Variants in ZNF236 observed in about 807,000 individuals in gnomAD.
ZNF236 encodes the protein zinc finger protein 236.
In ZNF236, 50 loss-of-function variants were observed where a neutral mutation model predicts 191.2. The observed-to-expected ratio is 0.26, with a 90% confidence interval of 0.21 to 0.33. The LOEUF (loss-of-function observed/expected upper bound fraction) is 0.33. Among genes scored for constraint, ZNF236 ranks in the 10% least tolerant of loss-of-function variants. The probability of loss-of-function intolerance (pLI) is 1.00; values close to 1 mark genes in which losing one functional copy is unlikely to be tolerated. For missense variants in ZNF236, 1,754 were observed against 2,374.5 expected, an observed-to-expected ratio of 0.74 and a Z score of 5.43; for synonymous variants, 907 against 928.8, an observed-to-expected ratio of 0.98 and a Z score of 0.43.
At chr18:76,856,854 T>C (rs75904003) in intron 3 of ZNF236, among the ~76,000 whole-genome samples, 2,674 of 152,362 alleles carry the variant, frequency 0.018, 30 homozygotes, top group Middle Eastern at 0.02. Flanking sequence ...TTATGGATTC[T>C]GGTTCTTATG....
At chr18:76,846,635 T>C (rs906431517) in intron 1 of ZNF236, among the ~76,000 whole-genome samples, 2 of 152,212 alleles carry the variant, frequency 1.3e-5, no homozygotes, top group Non-Finnish European at 2.9e-5. Context: ...TGTTTTAAGT[T>C]TGTGTCTGAA....
intron 1 of ZNF236, among the ~76,000 whole-genome samples, chr18:76,825,343 A>C (rs1974985470): frequency 1.3e-5 from 2 of 152,160 alleles, no homozygotes; most frequent in South Asian, 2.1e-4. Context: ...CTGTAAGGTA[A>C]ATATCATAGA....
In ZNF236 at chr18:76,880,577, A is replaced by C. The variant is rs927497348; in HGVS notation, c.1188+261A>C. Reference sequence around the variant, plus strand: ...CATAAGTGAACTTTACTTGAAAAGAACAGGCTTTTCCGAAGTTGTATCTAT... The same window carrying C: ...CATAAGTGAACTTTACTTGAAAAGACCAGGCTTTTCCGAAGTTGTATCTAT... On this transcript the variant is annotated intron_variant, in intron 8 of 30. Coordinates refer to ENST00000320610, the MANE Select transcript of ZNF236 (RefSeq NM_001306089.2). This position sits in a 1 kb window ranked among gnomAD's most constrained non-coding sequence, Gnocchi z 5.0. Among the ~76,000 whole-genome samples the C allele has an allele frequency of 1.3e-5, 2 of 152,218 alleles. No individual in the cohort carries two copies. The highest frequency in any genetic ancestry group is 4.8e-5 in the African/African-American group (2 of 41,462).
rs1033470666 is a variant in ZNF236 at position 76,919,477 on chromosome 18, C to G, written c.3275-299C>G. ...ATATACATTGTTGTTAACTAGTCAC[C>G]CTACTCTGCTATCAAACATTAGAGC... On this transcript the variant is annotated intron_variant, in intron 19 of 30. Transcript: ENST00000320610. The surrounding 1 kb of genome is among the most constrained non-coding windows in gnomAD (Gnocchi z 5.3). Among the ~76,000 whole-genome samples, 1 of 152,072 alleles carries G rather than the reference C, an allele frequency of 6.6e-6. No individual in the cohort carries two copies. Among genetic ancestry groups the G allele is most frequent in the African/African-American group, 2.4e-5 (1 of 41,392 alleles).
At chr18:76,847,626 C>A (rs535803341) in intron 1 of ZNF236, among the ~76,000 whole-genome samples, 3 of 152,186 alleles carry the variant, frequency 2.0e-5, no homozygotes, top group Admixed American at 6.5e-5. Context: ...CCACCACGCC[C>A]GGCTGATTTT....
intron 3 of ZNF236, among the ~76,000 whole-genome samples, chr18:76,854,138 A>G (rs1975970875): frequency 6.6e-6 from 1 of 152,216 alleles, no homozygotes; most frequent in South Asian, 2.1e-4. Flanking sequence ...ATTCCTCAGC[A>G]TATACCAAAA....
At chr18:76,966,356 C>CACAG (rs1555701863) in intron 30 of ZNF236, among the ~76,000 whole-genome samples, 2 of 151,960 alleles carry the variant, frequency 1.3e-5, no homozygotes, top group East Asian at 1.9e-4. Context: ...CACACACACA[C>CACAG]AGAGACACAC....
intron 1 of ZNF236, among the ~76,000 whole-genome samples, chr18:76,836,691 C>A (rs896025412): frequency 6.6e-6 from 1 of 151,938 alleles, no homozygotes; most frequent in Non-Finnish European, 1.5e-5. Context: ...CATTCTCCTG[C>A]CTCAGCCTCC....
chr18:76,864,390 G>A (rs1976339940), intron 3 of ZNF236, among the ~76,000 whole-genome samples: 1 of 151,872 alleles, frequency 6.6e-6, no homozygotes, highest in South Asian at 2.1e-4. Context: ...AGTAGAGATG[G>A]CGTTTCACCT....
rs2122954753 is a variant in ZNF236, at chr18:76,957,637, G to A, written c.5112+1455G>A. ...TTTCATCACCCTGGTACTAAGCTAAGTAGCCAATAATTTTTCCTGCTCCTC... is the reference window on the plus strand; with the variant it reads ...TTTCATCACCCTGGTACTAAGCTAAATAGCCAATAATTTTTCCTGCTCCTC... On this transcript the variant is annotated intron_variant, in intron 28 of 30. Coordinates refer to ENST00000320610, the MANE Select transcript of ZNF236 (RefSeq NM_001306089.2). 1.3e-5 allele frequency among the ~76,000 whole-genome samples: 2 copies of A among 152,296 alleles called. 1 individual carries two copies. The highest frequency in any genetic ancestry group is 6.8e-3 in the Middle Eastern group (2 of 294).
chr18:76,951,667 GGA>G, intron 27 of ZNF236, among the ~76,000 whole-genome samples: 1 of 152,170 alleles, frequency 6.6e-6, no homozygotes, highest in Non-Finnish European at 1.5e-5. Context: ...TGGGCTCACT[GGA>G]TAACACTTTT....
intron 13 of ZNF236, among the ~76,000 whole-genome samples, 169 bp from the exon 14 acceptor site, chr18:76,908,151 C>T (rs1435830942): frequency 6.6e-6 from 1 of 152,340 alleles, no homozygotes; most frequent in East Asian, 1.9e-4. Context: ...GAGCTCTCTT[C>T]AGAGTTACTA....
At chr18:76,964,198 G>A (rs1968722874) in intron 30 of ZNF236, among the ~76,000 whole-genome samples, 1 of 152,108 alleles carries the variant, frequency 6.6e-6, no homozygotes, top group African/African-American at 2.4e-5. Flanking sequence ...AGACATTTAG[G>A]GCTACGAACT....
chr18:76,905,413 CA>C lies in ZNF236; in HGVS notation c.2296del (p.Arg766AspfsTer17). On this transcript the variant is annotated frameshift_variant and splice_region_variant, in exon 13 of 31. Coordinates refer to ENST00000320610, the MANE Select transcript of ZNF236 (RefSeq NM_001306089.2). LOFTEE classifies it high-confidence loss of function. ...LNCKKHMKTHRYELAQQLQQH... is the reference protein window; with the variant it reads ...LNCKKHMKTHXYELAQQLQQH... ...ATTGCAAAAAGCACATGAAAACCCA[CA>C]GGTGGGTGTAATTCTGGTGGTCACT... 6.2e-7 allele frequency: 1 copy of C among 1,613,402 alleles called. No individual in the cohort carries two copies. The highest frequency in any genetic ancestry group is 8.5e-7 in the Non-Finnish European group (1 of 1,179,394).
chr18:76,936,337 T>A, intron 25 of ZNF236: 1 of 456,728 alleles, frequency 2.2e-6, no homozygotes, highest in Non-Finnish European at 4.4e-6. Context: ...CATGTGTTTA[T>A]ACTTTCAACG....
At chr18:76,838,733 C>A (rs1975403614) in intron 1 of ZNF236, among the ~76,000 whole-genome samples, 1 of 152,160 alleles carries the variant, frequency 6.6e-6, no homozygotes, top group South Asian at 2.1e-4. Context: ...TTTGAGTAAA[C>A]TATATTGATA....
At chr18:76,822,951 C>T (rs958361027) in intron 1 of ZNF236, among the ~76,000 whole-genome samples, 2 of 148,350 alleles carry the variant, frequency 1.3e-5, no homozygotes, top group South Asian at 2.1e-4. Context: ...CGGCCGCCTC[C>T]TGCGCGCGCC....
intron 1 of ZNF236, among the ~76,000 whole-genome samples, chr18:76,834,130 A>G (rs76175182): frequency 6.6e-6 from 1 of 152,146 alleles, no homozygotes; most frequent in African/African-American, 2.4e-5. Context: ...TATTAACAGA[A>G]CATTATTCAT....
At chr18:76,923,454 T>G (rs1365153706) in intron 21 of ZNF236, among the ~76,000 whole-genome samples, 1 of 152,252 alleles carries the variant, frequency 6.6e-6, no homozygotes, top group Non-Finnish European at 1.5e-5. Context: ...TTAAAAAGAT[T>G]ACCTCTTAGT....
Sources: gnomAD v4.1 joint callset for allele counts (sites outside exome capture counted in the v4.1 genomes callset) on GRCh38, gnomAD v4.1.1 for gene constraint, Gnocchi (gnomAD v3.1) non-coding constraint, MANE v1.5 for transcripts, NCBI Gene and HGNC (gene_info 2026-07-23, HGNC 2026-07-21) for gene names.